The following SLC25A28 variants were observed in gnomAD, a reference collection of about 807,000 sequenced individuals.
The protein encoded by SLC25A28 is solute carrier family 25 member 28, also known as mitoferrin-2.
In SLC25A28, 10 loss-of-function variants were observed where a neutral mutation model predicts 31.9. That is an observed-to-expected ratio of 0.31 (90% confidence interval 0.19 to 0.53). The LOEUF (loss-of-function observed/expected upper bound fraction) is 0.53, where lower values mean the gene tolerates loss of function less well. SLC25A28 is among the 20% of genes least tolerant of loss of function. SLC25A28 has a pLI of 0.95. For missense variants in SLC25A28, 256 were observed against 490.3 expected (o/e 0.52, Z 4.51); for synonymous variants, 208 against 203.6 (o/e 1.02, Z -0.19).
the SLC25A28 span, among the ~76,000 whole-genome samples, chr10:99,658,704 G>T: frequency 6.6e-6 from 1 of 152,152 alleles, no homozygotes; most frequent in African/African-American, 2.4e-5. Context: ...GGCAGAGGAC[G>T]GCGGTAGGGC....
chr10:99,647,763 T>C, the SLC25A28 span, among the ~76,000 whole-genome samples: 2 of 152,198 alleles, frequency 1.3e-5, no homozygotes, highest in African/African-American at 4.8e-5. Flanking sequence ...TCCCAGATTT[T>C]CTTTGAAGAT....
chr10:99,620,873 T>G (rs1017421584), upstream of SLC25A28: 3 of 985,350 alleles, frequency 3.0e-6, no homozygotes, highest in African/African-American at 5.2e-5. Flanking sequence ...GCGGTCCCTG[T>G]GCGCGGGATC....
At chr10:99,624,161 C>T (rs1352370314), upstream of SLC25A28, among the ~76,000 whole-genome samples, 2 of 134,450 alleles carry the variant, frequency 1.5e-5, no homozygotes, top group African/African-American at 5.6e-5. Flanking sequence ...TTCTTTCTTC[C>T]TTTCTCCTTC....
intron 1 of SLC25A28, chr10:99,616,157 ACTT>A (rs2034648116): frequency 1.0e-6 from 1 of 985,358 alleles, no homozygotes; most frequent in African/African-American, 1.7e-5. Flanking sequence ...AATGTGAAAA[ACTT>A]CTACCTGGCT....
At position 99,611,781 on chromosome 10, in the gene SLC25A28, A is replaced by G. The variant is rs1255363639; in HGVS notation, c.578-415T>C. ...ATCCCAATCCTCGCATACAAAGAGC[A>G]CCTAACTTTTAAAATGTGAGATGGT... On this transcript the variant is annotated intron_variant, in intron 3 of 3. Coordinates refer to ENST00000370495, the MANE Select transcript of SLC25A28 (RefSeq NM_031212.4). The surrounding 1 kb of genome is among the most constrained non-coding windows in gnomAD (Gnocchi z 5.5). Among the ~76,000 whole-genome samples the G allele has an allele frequency of 1.3e-5, 2 of 152,194 alleles. No individual in the cohort carries two copies. The highest frequency in any genetic ancestry group is 2.9e-5 in the Non-Finnish European group (2 of 68,026).
At chr10:99,619,321 G>A (rs1469409171) in intron 1 of SLC25A28, 2 of 985,320 alleles carry the variant, frequency 2.0e-6, no homozygotes, top group Non-Finnish European at 2.4e-6. Context: ...AAAGAAATAT[G>A]CTATCAGTTT....
chr10:99,637,077 A>G, the SLC25A28 span, among the ~76,000 whole-genome samples: 2 of 152,156 alleles, frequency 1.3e-5, no homozygotes, highest in African/African-American at 2.4e-5. Flanking sequence ...CAACATATCA[A>G]AAAGATAATA....
At chr10:99,635,357 C>T in the SLC25A28 span, among the ~76,000 whole-genome samples, 1 of 152,170 alleles carries the variant, frequency 6.6e-6, no homozygotes, top group African/African-American at 2.4e-5. Context: ...AAATGCTCCA[C>T]TTAAAAGATA....
upstream of SLC25A28, among the ~76,000 whole-genome samples, chr10:99,625,147 T>C (rs11190193): frequency 0.077 from 439 of 5,726 alleles, 17 homozygotes; most frequent in South Asian, 0.12. Context: ...GCCGCAGACC[T>C]TTGCAGTGGG....
chr10:99,636,418 A>G, the SLC25A28 span, among the ~76,000 whole-genome samples: 16 of 152,202 alleles, frequency 1.1e-4, no homozygotes, highest in East Asian at 7.7e-4. Context: ...TTCAAACTCA[A>G]TGACAACAAT....
the SLC25A28 span, among the ~76,000 whole-genome samples, chr10:99,651,035 AAGCTCTTTTTGGAGTGTGG>A: frequency 6.6e-6 from 1 of 152,248 alleles, no homozygotes; most frequent in East Asian, 1.9e-4. Context: ...AAGATCATAA[AAGCTCTTTTTGGAGTGTGG>A]AGCCCTAGGG....
chr10:99,645,253 C>A, the SLC25A28 span, among the ~76,000 whole-genome samples: 2 of 152,124 alleles, frequency 1.3e-5, no homozygotes, highest in Non-Finnish European at 2.9e-5. Flanking sequence ...TTGTTAGTGG[C>A]TTTTTACTCT....
At chr10:99,626,400 G>A in the SLC25A28 span, among the ~76,000 whole-genome samples, 1 of 152,158 alleles carries the variant, frequency 6.6e-6, no homozygotes, top group African/African-American at 2.4e-5. Context: ...GGTTATTTAG[G>A]AAACATTGTT....
At chr10:99,649,316 G>C in the SLC25A28 span, among the ~76,000 whole-genome samples, 1 of 152,108 alleles carries the variant, frequency 6.6e-6, no homozygotes, top group African/African-American at 2.4e-5. Context: ...TGATCATGGT[G>C]TATTATCTTT....
chr10:99,620,956 G>A, upstream of SLC25A28: 1 of 975,386 alleles, frequency 1.0e-6, no homozygotes, highest in Non-Finnish European at 1.2e-6. Flanking sequence ...CCGCGCTCCC[G>A]TGCGCTCCTC....
At chr10:99,617,041 G>T in intron 1 of SLC25A28, 1 of 985,296 alleles carries the variant, frequency 1.0e-6, no homozygotes, top group South Asian at 4.7e-5. Context: ...GGAAATTGGA[G>T]ATTTATCTCC....
upstream of SLC25A28, among the ~76,000 whole-genome samples, chr10:99,624,141 C>T (rs1353685900): frequency 1.1e-4 from 4 of 37,512 alleles, no homozygotes; most frequent in Non-Finnish European, 2.0e-4. Flanking sequence ...TTCCTGTCTT[C>T]TCTTTTTCTT....
the SLC25A28 span, among the ~76,000 whole-genome samples, chr10:99,639,380 G>A: frequency 1.3e-5 from 2 of 152,086 alleles, no homozygotes; most frequent in South Asian, 4.2e-4. Flanking sequence ...CAAATAGGGT[G>A]CAGTGTATAT....
rs752839922 is a variant in SLC25A28, at chr10:99,613,882, G to A, written c.334C>T (p.Arg112Cys). ...CTCCAGAGGGCCTCCAACACATTGC[G>A]ATAGCGGGCAGCTGGGTCAGGCTGT... ...SLQPDPAARY[R>C]NVLEALWRII... is the part of the protein sequence containing the mutation. Residue 112 changes from arginine (R) to cysteine (C), a missense_variant, in exon 2 of 4, where the codon CGC becomes TGC. Physicochemically the swap from Arg to Cys is radical, Grantham distance 180. Transcript: ENST00000370495. The surrounding 1 kb of genome is among the most constrained non-coding windows in gnomAD (Gnocchi z 4.9). 4 of 1,613,286 alleles carry A rather than the reference G, an allele frequency of 2.5e-6. No individual in the cohort carries two copies. The highest frequency in any genetic ancestry group is 1.7e-5 in the Admixed American group (1 of 59,912).
Sources: allele counts gnomAD v4.1 joint callset (sites outside exome capture counted in the v4.1 genomes callset), GRCh38; gene constraint gnomAD v4.1.1; non-coding constraint Gnocchi (gnomAD v3.1); transcripts MANE v1.5; gene names NCBI Gene and HGNC (gene_info 2026-07-23, HGNC 2026-07-21).